Variants in TBC1D2 observed in about 807,000 individuals in gnomAD.
TBC1D2 encodes the protein TBC1 domain family member 2A.
Under a neutral mutation model 91.1 loss-of-function variants are expected in TBC1D2, and 58 were observed. The ratio of observed to expected loss-of-function variants is 0.64; its 90% CI spans 0.52 to 0.79. TBC1D2 has a LOEUF of 0.79. Ranked by LOEUF, TBC1D2 falls within the 30% of genes least tolerant of loss-of-function variation. The pLI is 0.00. For missense variants in TBC1D2, 1,080 were observed against 1,208.3 expected (o/e 0.89, Z 1.57); for synonymous variants, 482 against 511.5 (o/e 0.94, Z 0.78).
intron 3 of TBC1D2, among the ~76,000 whole-genome samples, chr9:98,241,504 C>T (rs1052843897): frequency 2.0e-5 from 3 of 152,220 alleles, no homozygotes; most frequent in Non-Finnish European, 4.4e-5. Context: ...GGGCACTTCT[C>T]TTGCAAAGTA....
chr9:98,230,345 T>C lies in TBC1D2; in HGVS notation c.782-1197A>G, dbSNP rs545264000. On this transcript the variant is annotated intron_variant, in intron 4 of 12. Transcript: ENST00000465784. The stretch of plus-strand genomic sequence containing the variant: ...TGAGCTTACAGCCACATTTACTGCC[T>C]ACTCTCAGATATTTTGTAGGATCGT... 3.3e-4 allele frequency among the ~76,000 whole-genome samples: 51 copies of C among 152,370 alleles called. 1 individual carries two copies. The Middle Eastern group carries it at 0.034, about 102-fold the overall frequency.
chr9:98,209,118 G>A lies in TBC1D2; in HGVS notation c.1700C>T (p.Thr567Met), dbSNP rs549369882. 33 of 1,613,914 alleles carry A rather than the reference G, an allele frequency of 2.0e-5. No individual in the cohort carries two copies. Among genetic ancestry groups the A allele is most frequent in the Middle Eastern group, 3.3e-4 (2 of 6,062 alleles). ...GTCTTCCACCTCATAGTCGGGCACC[G>A]TCAGGAAGCCGTACTCATCATACTT... ...ISKYDEYGFL[T>M]VPDYEVEDLK... The change falls in exon 9 of 13, where the codon ACG becomes ATG. Residue 567 changes from threonine (T) to methionine (M), a missense_variant. Coordinates refer to ENST00000465784, the MANE Select transcript of TBC1D2 (RefSeq NM_001267571.2).
At chr9:98,239,348 T>C (rs1378342230) in intron 3 of TBC1D2, among the ~76,000 whole-genome samples, 1 of 152,208 alleles carries the variant, frequency 6.6e-6, no homozygotes, top group Non-Finnish European at 1.5e-5. Context: ...CCACTGCGCC[T>C]GGCCCTTTCC....
chr9:98,227,869 T>C (rs1829272922), intron 5 of TBC1D2, among the ~76,000 whole-genome samples: 1 of 151,944 alleles, frequency 6.6e-6, no homozygotes, highest in Admixed American at 6.6e-5. Flanking sequence ...TGGTCACTGC[T>C]TAGGGGCAGA....
chr9:98,245,878 T>C (rs1315036058), intron 2 of TBC1D2, among the ~76,000 whole-genome samples: 1 of 152,238 alleles, frequency 6.6e-6, no homozygotes, highest in Non-Finnish European at 1.5e-5. Context: ...TATTATTATA[T>C]GATCTGAAAT....
intron 9 of TBC1D2, among the ~76,000 whole-genome samples, chr9:98,207,457 T>C (rs1828684595): frequency 6.6e-6 from 1 of 152,228 alleles, no homozygotes. Flanking sequence ...CTCACAGTCT[T>C]GGAGGGGAGA....
At chr9:98,203,174 G>A (rs1828553917) in intron 10 of TBC1D2, 114 bp downstream of exon 10, 1 of 1,501,814 alleles carries the variant, frequency 6.7e-7, no homozygotes, top group East Asian at 2.3e-5. Context: ...ACAGTGCAGA[G>A]GGAGAAATGG....
Position 98,251,787 on chromosome 9 carries a change from A to C in TBC1D2, c.509T>G (p.Leu170Arg), listed in dbSNP as rs1420052806. ...CAGGAGGGTAGCCCATTGGGTACCT[A>C]GCTCGAGGTGCAGGACGGGCCCATT... is the stretch of plus-strand genomic sequence containing the variant. ...AGNGPVLHLE[L>R]GQEEAELEEF... The change falls in exon 2 of 13, where the codon CTA becomes CGA. Residue 170 changes from leucine to arginine, a missense_variant and splice_region_variant. Physicochemically the swap from Leu to Arg is moderately radical, Grantham distance 102 (BLOSUM62 -2). Coordinates refer to ENST00000465784, the MANE Select transcript of TBC1D2 (RefSeq NM_001267571.2). The C allele has an allele frequency of 1.3e-5, 21 of 1,581,982 alleles. No individual in the cohort carries two copies. Among genetic ancestry groups the C allele is most frequent in the Non-Finnish European group, 1.7e-5 (20 of 1,166,070 alleles).
chr9:98,227,265 T>C (rs1349452017), intron 5 of TBC1D2, among the ~76,000 whole-genome samples: 2 of 152,210 alleles, frequency 1.3e-5, no homozygotes, highest in Non-Finnish European at 2.9e-5. Context: ...TTAATGTCTG[T>C]CTCTGCCATG....
Position 98,229,001 on chromosome 9 carries a change from G to C in TBC1D2, c.929C>G (p.Ala310Gly). 1 of 1,614,190 alleles carries C rather than the reference G, an allele frequency of 6.2e-7. No homozygotes were observed. The highest frequency in any genetic ancestry group is 8.5e-7 in the Non-Finnish European group (1 of 1,180,034). Residue 310 changes from alanine (A) to glycine (G), a missense_variant, in exon 5 of 13, where the codon GCC (alanine) becomes GGC (glycine). Physicochemically the swap from Ala to Gly is moderately conservative, Grantham distance 60. Coordinates refer to ENST00000465784, the MANE Select transcript of TBC1D2 (RefSeq NM_001267571.2). ...RNRTAQEKVA[A>G]LEQQVLMLTK... The stretch of plus-strand genomic sequence containing the variant: ...GAGCATCAGAACCTGTTGCTCCAAG[G>C]CTGCCACTTTCTCCTGGGCAGTTCG...
chr9:98,235,006 C>T, intron 3 of TBC1D2: 1 of 162,770 alleles, frequency 6.1e-6, no homozygotes, highest in Non-Finnish European at 1.3e-5. Context: ...GAGTTCAAGA[C>T]CAGCCTGGCC....
At chr9:98,212,088 C>T (rs149212649) in intron 7 of TBC1D2, among the ~76,000 whole-genome samples, 1 of 152,302 alleles carries the variant, frequency 6.6e-6, no homozygotes, top group East Asian at 1.9e-4. Context: ...TGTGCCACCG[C>T]ACCTGGCCCC....
At chr9:98,205,186 C>T (rs938509667) in intron 9 of TBC1D2, among the ~76,000 whole-genome samples, 1 of 152,220 alleles carries the variant, frequency 6.6e-6, no homozygotes, top group Non-Finnish European at 1.5e-5. Context: ...GTGCTCTCTC[C>T]ACTCTATCCC....
Position 98,199,014 on chromosome 9 carries a change from A to C in TBC1D2, c.*367T>G. ...AACAACTGGTAACTGAGAACTGTTTAAGTTCCAAAGCTTATGAATGATTTC... is the reference window on the plus strand; with the variant it reads ...AACAACTGGTAACTGAGAACTGTTTCAGTTCCAAAGCTTATGAATGATTTC... On this transcript the variant is annotated 3_prime_UTR_variant, in exon 13 of 13. Transcript: ENST00000465784. 3.2e-6 allele frequency: 1 copy of C among 314,942 alleles called. No homozygotes were observed. The highest frequency in any genetic ancestry group is 4.1e-5 in the South Asian group (1 of 24,564). 19.5% of individuals were successfully genotyped at this position (314,942 alleles called of 1,614,324 possible).
At chr9:98,225,029 G>A (rs1405637935) in intron 5 of TBC1D2, among the ~76,000 whole-genome samples, 1 of 152,220 alleles carries the variant, frequency 6.6e-6, no homozygotes, top group Non-Finnish European at 1.5e-5. Context: ...TTTTTGGCTG[G>A]AGTTCTAGGA....
intron 3 of TBC1D2, among the ~76,000 whole-genome samples, chr9:98,238,693 T>G (rs1387851099): frequency 1.5e-5 from 2 of 136,604 alleles, no homozygotes; most frequent in African/African-American, 7.4e-5. Flanking sequence ...TTTTCATTGA[T>G]TCCCTTTATC....
chr9:98,215,118 G>A (rs908252440), intron 6 of TBC1D2, among the ~76,000 whole-genome samples: 9 of 152,108 alleles, frequency 5.9e-5, no homozygotes, highest in Admixed American at 3.9e-4. Context: ...TGCGCCAGCC[G>A]CTCTGCTGGC....
intron 3 of TBC1D2, among the ~76,000 whole-genome samples, chr9:98,242,325 T>C (rs538106541): frequency 6.6e-6 from 1 of 151,758 alleles, no homozygotes; most frequent in South Asian, 2.1e-4. Context: ...CCTGTAATCC[T>C]AGCTGCTATG....
At chr9:98,252,167 G>A (rs1031381201) in intron 1 of TBC1D2, among the ~76,000 whole-genome samples, 4 of 152,184 alleles carry the variant, frequency 2.6e-5, no homozygotes, top group Non-Finnish European at 4.4e-5. Context: ...GTGACAATAA[G>A]TCTCATTGCA....
Sources: allele counts gnomAD v4.1 joint callset (sites outside exome capture counted in the v4.1 genomes callset), GRCh38; gene constraint gnomAD v4.1.1; transcripts MANE v1.5; gene names NCBI Gene and HGNC (gene_info 2026-07-23, HGNC 2026-07-21).